GRB14: variants seen among roughly 807,000 people sequenced by gnomAD.
The protein encoded by GRB14 is growth factor receptor bound protein 14.
Under a neutral mutation model 69.1 loss-of-function variants are expected in GRB14, and 38 were observed. The ratio of observed to expected loss-of-function variants is 0.55; its 90% CI spans 0.42 to 0.72. The LOEUF is 0.72. Among genes scored for constraint, GRB14 ranks in the 30% least tolerant of loss-of-function variants. GRB14 has a pLI of 0.00. For synonymous variants in GRB14, 247 were observed against 241.3 expected (o/e 1.02, Z -0.22); for missense variants, 666 against 666.1 (o/e 1.00, Z 0.00).
intron 2 of GRB14, among the ~76,000 whole-genome samples, chr2:164,567,857 A>C (rs1232829677): frequency 6.6e-6 from 1 of 152,210 alleles, no homozygotes; most frequent in Non-Finnish European, 1.5e-5. Context: ...AACTGGTAAC[A>C]CATGTTTAAA....
intron 2 of GRB14, among the ~76,000 whole-genome samples, chr2:164,579,661 A>C (rs1689347080): frequency 6.6e-6 from 1 of 152,160 alleles, no homozygotes. Flanking sequence ...CACACTTCAC[A>C]CAGACAGTGG....
intron 2 of GRB14, among the ~76,000 whole-genome samples, chr2:164,596,864 T>C (rs1257991033): frequency 3.3e-5 from 5 of 152,128 alleles, no homozygotes; most frequent in African/African-American, 1.2e-4. Context: ...AATGATTCTG[T>C]TTGAGTAAAG....
chr2:164,499,115 T>C (rs1686983170), intron 9 of GRB14, among the ~76,000 whole-genome samples: 1 of 152,108 alleles, frequency 6.6e-6, no homozygotes, highest in African/African-American at 2.4e-5. Flanking sequence ...TCCTCAATCA[T>C]AATAGCTTTA....
At chr2:164,595,618 A>G (rs1689763795) in intron 2 of GRB14, among the ~76,000 whole-genome samples, 1 of 152,196 alleles carries the variant, frequency 6.6e-6, no homozygotes, top group Non-Finnish European at 1.5e-5. Flanking sequence ...GTTCTATTCT[A>G]CAGGCAGTGG....
chr2:164,548,047 A>C (rs1688430703), intron 2 of GRB14, among the ~76,000 whole-genome samples: 1 of 152,170 alleles, frequency 6.6e-6, no homozygotes, highest in Non-Finnish European at 1.5e-5. Context: ...CAAAATTCCA[A>C]ATTCAATACA....
intron 12 of GRB14, among the ~76,000 whole-genome samples, chr2:164,496,479 G>C (rs1028233399): frequency 1.3e-5 from 2 of 151,912 alleles, no homozygotes. Context: ...CTCTTTTCAC[G>C]GATCTATATT....
rs750213065 is a variant in GRB14, at chr2:164,497,290, A to C, written c.1222-7T>G. The C allele has an allele frequency of 1.9e-6, 3 of 1,611,272 alleles. No homozygotes were observed. The highest frequency in any genetic ancestry group is 2.5e-6 in the Non-Finnish European group (3 of 1,179,108). On this transcript the variant is annotated splice_polypyrimidine_tract_variant and splice_region_variant and intron_variant, in intron 10 of 13. Coordinates refer to ENST00000263915, the MANE Select transcript of GRB14 (RefSeq NM_004490.3). ...GGCGTAAACATCCTTTTTTCTGAGC[A>C]AGGAAGGAGAAAACAAATCTCAAGT...
At chr2:164,521,080 CA>C (rs1460537989) in intron 6 of GRB14, among the ~76,000 whole-genome samples, 1 of 152,100 alleles carries the variant, frequency 6.6e-6, no homozygotes, top group African/African-American at 2.4e-5. Flanking sequence ...GCGCAATTCA[CA>C]ATTGCAAAAA....
At chr2:164,558,965 T>C (rs1688752468) in intron 2 of GRB14, among the ~76,000 whole-genome samples, 1 of 152,196 alleles carries the variant, frequency 6.6e-6, no homozygotes. Context: ...CCTTGATTTT[T>C]TAAAAGCACA....
intron 2 of GRB14, 34 bp from the exon 3 acceptor site, chr2:164,547,850 T>C: frequency 6.7e-7 from 1 of 1,487,736 alleles, no homozygotes; most frequent in Non-Finnish European, 9.2e-7. Flanking sequence ...AGACCTAAAA[T>C]ATTCCTGTTT....
intron 5 of GRB14, among the ~76,000 whole-genome samples, chr2:164,524,301 G>A (rs1043207859): frequency 6.6e-6 from 1 of 151,954 alleles, no homozygotes; most frequent in African/African-American, 2.4e-5. Context: ...CAACTGTAGA[G>A]CTTCTGATGT....
chr2:164,577,835 T>G (rs1416216831), intron 2 of GRB14, among the ~76,000 whole-genome samples: 4 of 152,178 alleles, frequency 2.6e-5, no homozygotes, highest in Non-Finnish European at 5.9e-5. Context: ...AAATATAGAT[T>G]TTTTTACCTA....
At chr2:164,527,752 T>C (rs529561582) in intron 3 of GRB14, among the ~76,000 whole-genome samples, 24 of 152,188 alleles carry the variant, frequency 1.6e-4, no homozygotes, top group African/African-American at 4.1e-4. Context: ...AAATATATTT[T>C]GTATTAACAA....
At chr2:164,519,778 A>G (rs1687590491) in intron 6 of GRB14, among the ~76,000 whole-genome samples, 1 of 152,112 alleles carries the variant, frequency 6.6e-6, no homozygotes. Context: ...AAAAAATAAA[A>G]TAAAATACTT....
rs1416667903 is a variant in GRB14 at position 164,558,066 on chromosome 2, T to C, written c.325-10250A>G. 4.6e-5 allele frequency among the ~76,000 whole-genome samples: 7 copies of C among 152,126 alleles called. No individual in the cohort carries two copies. In the South Asian group the frequency reaches 6.2e-4, roughly 14 times the overall value. On this transcript the variant is annotated intron_variant, in intron 2 of 13. Coordinates refer to ENST00000263915, the MANE Select transcript of GRB14 (RefSeq NM_004490.3). ...ACTGACACTGCAGCAGCATGCCGCATCTAGGGTTCCAACCAAGAGAAAAAA... is the reference window on the plus strand; with the variant it reads ...ACTGACACTGCAGCAGCATGCCGCACCTAGGGTTCCAACCAAGAGAAAAAA...
At chr2:164,589,005 T>C (rs957054207) in intron 2 of GRB14, among the ~76,000 whole-genome samples, 6 of 152,172 alleles carry the variant, frequency 3.9e-5, no homozygotes, top group African/African-American at 1.4e-4. Flanking sequence ...CATTTAATGG[T>C]AGTTATGGTT....
chr2:164,524,298 A>G (rs1192474939), intron 5 of GRB14, among the ~76,000 whole-genome samples: 6 of 152,122 alleles, frequency 3.9e-5, no homozygotes, highest in African/African-American at 1.4e-4. Flanking sequence ...AAACAACTGT[A>G]GAGCTTCTGA....
At chr2:164,614,174 T>C (rs1159609178) in intron 2 of GRB14, among the ~76,000 whole-genome samples, 1 of 152,358 alleles carries the variant, frequency 6.6e-6, no homozygotes, top group South Asian at 2.1e-4. Flanking sequence ...AAAATTATAT[T>C]CATCAAGTGA....
intron 2 of GRB14, among the ~76,000 whole-genome samples, chr2:164,602,801 G>A (rs976070021): frequency 1.3e-5 from 2 of 152,116 alleles, no homozygotes; most frequent in African/African-American, 2.4e-5. Flanking sequence ...AATTGACCTG[G>A]TAGATTATCC....
Sources: gnomAD v4.1 joint callset for allele counts (sites outside exome capture counted in the v4.1 genomes callset) on GRCh38, gnomAD v4.1.1 for gene constraint, MANE v1.5 for transcripts, NCBI Gene and HGNC (gene_info 2026-07-23, HGNC 2026-07-21) for gene names.